The following SLIRP variants were observed in gnomAD, a reference collection of about 807,000 sequenced individuals.
SLIRP encodes the protein SRA stem-loop-interacting RNA-binding protein, mitochondrial.
A neutral mutation model predicts 13.4 loss-of-function variants in SLIRP; 12 were observed. That is an observed-to-expected ratio of 0.89 (90% CI 0.57 to 1.45). The LOEUF is 1.45. SLIRP is among the 40% of genes most tolerant of loss of function. The pLI is 0.00. For missense variants in SLIRP, 154 were observed against 132.2 expected, an observed-to-expected ratio of 1.17 and a Z score of -0.81; for synonymous variants, 55 against 47.1, an observed-to-expected ratio of 1.17 and a Z score of -0.69.
chr14:77,715,008 TTGAG>T (rs1218128646), intron 2 of SLIRP, among the ~76,000 whole-genome samples: 1 of 152,156 alleles, frequency 6.6e-6, no homozygotes, highest in African/African-American at 2.4e-5. Flanking sequence ...TGTAACTAGG[TTGAG>T]TAAGGGCTAA....
rs764051781 is a variant in SLIRP, at chr14:77,708,135, T to A, written c.24T>A (p.Gly8=). Reference sequence around the variant, plus strand: ...AGATGGCGGCCTCAGCAGCGAGAGGTGCTGCGGCGCTGCGTAGAAGTATCA... The same window carrying A: ...AGATGGCGGCCTCAGCAGCGAGAGGAGCTGCGGCGCTGCGTAGAAGTATCA... The part of the protein sequence containing the change: MAASAAR[G]AAALRRSINQ... Residue 8 remains glycine (G), a synonymous_variant, in exon 1 of 4, where the codon GGT becomes GGA. Coordinates refer to ENST00000557342, the MANE Select transcript of SLIRP (RefSeq NM_031210.6). The A allele has an allele frequency of 1.2e-6, 2 of 1,614,074 alleles. No individual in the cohort carries two copies. Among genetic ancestry groups the A allele is most frequent in the East Asian group, 2.2e-5 (1 of 44,870 alleles).
intron 1 of SLIRP, among the ~76,000 whole-genome samples, chr14:77,709,612 T>TA (rs2080424786): frequency 6.6e-6 from 1 of 152,224 alleles, no homozygotes; most frequent in Non-Finnish European, 1.5e-5. Context: ...TTTATTTGAG[T>TA]ATCTATTCTG....
chr14:77,711,669 C>T (rs2080441640), intron 2 of SLIRP: 1 of 152,380 alleles, frequency 6.6e-6, no homozygotes, highest in African/African-American at 2.4e-5. Flanking sequence ...GATCCTCCCA[C>T]CTCAGCCTCC....
chr14:77,708,265 CTTCT>C, intron 1 of SLIRP, 57 bp downstream of exon 1: 2 of 1,563,256 alleles, frequency 1.3e-6, no homozygotes, highest in Non-Finnish European at 1.8e-6. Context: ...ATCCTCAAAG[CTTCT>C]GCTTTTTGCA....
In SLIRP at chr14:77,708,136, G is replaced by T. The variant is rs751359652; in HGVS notation, c.25G>T (p.Ala9Ser). The change falls in exon 1 of 4, where the codon GCT (alanine) becomes TCT (serine). Residue 9 changes from alanine to serine, a missense_variant. By Grantham distance (99) the Ala-to-Ser change is moderately conservative (BLOSUM62 1). Transcript: ENST00000557342. Reference protein sequence around the residue: MAASAARGAAALRRSINQP... With the variant: MAASAARGSAALRRSINQP... ...GATGGCGGCCTCAGCAGCGAGAGGT[G>T]CTGCGGCGCTGCGTAGAAGTATCAA... 16 of 1,613,876 alleles carry T rather than the reference G, an allele frequency of 9.9e-6. No homozygotes were observed. The highest frequency in any genetic ancestry group is 1.7e-5 in the Admixed American group (1 of 60,002).
intron 2 of SLIRP, 81 bp from the exon 3 acceptor site, chr14:77,715,691 A>G (rs1222520551): frequency 1.8e-5 from 21 of 1,186,706 alleles, no homozygotes; most frequent in Admixed American, 4.5e-5. Context: ...TGGCAGATGA[A>G]AAAGTTGGTA....
chr14:77,715,730 T>A (rs770664269), intron 2 of SLIRP, 42 bp from the exon 3 acceptor site: 2 of 1,526,112 alleles, frequency 1.3e-6, no homozygotes, highest in Non-Finnish European at 1.8e-6. Flanking sequence ...GGAAACTTTC[T>A]GAAGTTCATG....
chr14:77,715,243 T>C (rs917661393), intron 2 of SLIRP, among the ~76,000 whole-genome samples: 2 of 152,150 alleles, frequency 1.3e-5, no homozygotes, highest in Admixed American at 1.3e-4. Context: ...GACCCGTATC[T>C]TCTCTAATGG....
chr14:77,712,154 C>T (rs988572900), intron 2 of SLIRP: 1 of 152,162 alleles, frequency 6.6e-6, no homozygotes, highest in Admixed American at 6.6e-5. Context: ...TGGGTCCTCT[C>T]CTTAGGATCT....
At chr14:77,713,435 T>C (rs756806615) in intron 2 of SLIRP, among the ~76,000 whole-genome samples, 37 of 152,310 alleles carry the variant, frequency 2.4e-4, no homozygotes, top group Middle Eastern at 3.4e-3. Flanking sequence ...CTTGGTTTAA[T>C]GTTACTTGAC....
chr14:77,708,207 G>C lies in SLIRP; in HGVS notation c.96G>C (p.Ser32=). The C allele has an allele frequency of 2.5e-6, 4 of 1,614,124 alleles. No homozygotes were observed. The highest frequency in any genetic ancestry group is 1.3e-5 in the African/African-American group (1 of 75,058). ...GAAGAATTCCTTGGACTGCGGCGTC[G>C]AGTGAGTGATGGAGATGTGGGAGTA... ...FVRRIPWTAA[S]SQLKEHFAQF... is the part of the protein sequence containing the mutation. The change falls in exon 1 of 4, where the codon TCG becomes TCC. Residue 32 remains serine, a splice_region_variant and synonymous_variant. Coordinates refer to ENST00000557342, the MANE Select transcript of SLIRP (RefSeq NM_031210.6).
rs1401148430 is a variant in SLIRP, at chr14:77,708,206, C to G, written c.95C>G (p.Ser32Trp). The G allele has an allele frequency of 6.2e-7, 1 of 1,614,032 alleles. No homozygotes were observed. The highest frequency in any genetic ancestry group is 1.1e-5 in the South Asian group (1 of 91,058). Residue 32 changes from serine (S) to tryptophan (W), a missense_variant and splice_region_variant, in exon 1 of 4, where the codon TCG becomes TGG. Physicochemically the swap from Ser to Trp is radical, Grantham distance 177. Coordinates refer to ENST00000557342, the MANE Select transcript of SLIRP (RefSeq NM_031210.6). ...FVRRIPWTAA[S>W]SQLKEHFAQF... ...AGAAGAATTCCTTGGACTGCGGCGT[C>G]GAGTGAGTGATGGAGATGTGGGAGT... is the stretch of plus-strand genomic sequence containing the variant.
intron 2 of SLIRP, among the ~76,000 whole-genome samples, chr14:77,715,019 C>T: frequency 6.6e-6 from 1 of 151,922 alleles, no homozygotes; most frequent in Non-Finnish European, 1.5e-5. Context: ...TGAGTAAGGG[C>T]TAAATATTAT....
At chr14:77,716,959 TTCA>T (rs2080489333) in intron 3 of SLIRP, among the ~76,000 whole-genome samples, 1 of 151,956 alleles carries the variant, frequency 6.6e-6, no homozygotes, top group South Asian at 2.1e-4. Context: ...GAGATTGGGT[TTCA>T]TCATGTTGGT....
chr14:77,714,760 AGAG>A (rs1000391583), intron 2 of SLIRP, among the ~76,000 whole-genome samples: 12 of 152,360 alleles, frequency 7.9e-5, no homozygotes, highest in African/African-American at 2.9e-4. Context: ...TCCTTGAAGT[AGAG>A]GAGCAATTGT....
At position 77,717,521 on chromosome 14, in the gene SLIRP, A is replaced by G. The variant is rs919704581; in HGVS notation, c.290A>G (p.Lys97Arg). The change falls in exon 4 of 4, where the codon AAA becomes AGA. Residue 97 changes from lysine (K) to arginine (R), a missense_variant. By Grantham distance (26) the Lys-to-Arg change is conservative. Coordinates refer to ENST00000557342, the MANE Select transcript of SLIRP (RefSeq NM_031210.6). Reference sequence around the variant, plus strand: ...GTCCAGGTTCACACTAGAAGGCCAAAACTTCCGCAAACATCTGATGATGAA... The same window carrying G: ...GTCCAGGTTCACACTAGAAGGCCAAGACTTCCGCAAACATCTGATGATGAA... Reference protein sequence around the residue: ...VKVQVHTRRPKLPQTSDDEKK... With the variant: ...VKVQVHTRRPRLPQTSDDEKK... 1.2e-6 allele frequency: 2 copies of G among 1,614,120 alleles called. No individual in the cohort carries two copies. The highest frequency in any genetic ancestry group is 1.7e-6 in the Non-Finnish European group (2 of 1,180,018).
At chr14:77,710,790 G>GAATCCAA in intron 1 of SLIRP, 48 bp from the exon 2 acceptor site, 8 of 1,611,142 alleles carry the variant, frequency 5.0e-6, no homozygotes, top group Non-Finnish European at 6.8e-6. Flanking sequence ...CTAAGATAGA[G>GAATCCAA]AATCCAAAAT....
chr14:77,711,043 A>G (rs1012338306), intron 2 of SLIRP, 147 bp downstream of exon 2: 2 of 745,940 alleles, frequency 2.7e-6, no homozygotes, highest in African/African-American at 3.5e-5. Flanking sequence ...GTGTAATTGG[A>G]TTATTTGTAA....
chr14:77,713,734 C>G (rs1190568638), intron 2 of SLIRP, among the ~76,000 whole-genome samples: 1 of 152,082 alleles, frequency 6.6e-6, no homozygotes, highest in Non-Finnish European at 1.5e-5. Flanking sequence ...GTCACTGATG[C>G]AATGGAATTT....
Sources: gnomAD v4.1 joint callset for allele counts (sites outside exome capture counted in the v4.1 genomes callset) on GRCh38, gnomAD v4.1.1 for gene constraint, MANE v1.5 for transcripts, NCBI Gene and HGNC (gene_info 2026-07-23, HGNC 2026-07-21) for gene names.